CNTNAP2: variants seen among roughly 807,000 people sequenced by gnomAD.
The protein encoded by CNTNAP2 is contactin-associated protein-like 2.
CNTNAP2 carries 98 observed loss-of-function variants against 155.2 expected under a neutral mutation model. The observed-to-expected ratio is 0.63, with a 90% CI of 0.54 to 0.75. The LOEUF (loss-of-function observed/expected upper bound fraction) is 0.75. Ranked by LOEUF, CNTNAP2 falls within the 30% of genes least tolerant of loss-of-function variation. The pLI is 0.00. For missense variants in CNTNAP2, 1,727 were observed against 1,688.1 expected (o/e 1.02, Z -0.40); for synonymous variants, 651 against 631.2 (o/e 1.03, Z -0.47).
At chr7:147,318,536 G>A (rs935046035) in intron 9 of CNTNAP2, among the ~76,000 whole-genome samples, 5 of 152,000 alleles carry the variant, frequency 3.3e-5, no homozygotes, top group Non-Finnish European at 7.4e-5. Context: ...TCCTTTGCAG[G>A]GACACAGATG....
At chr7:147,239,990 G>A (rs937432097) in intron 8 of CNTNAP2, among the ~76,000 whole-genome samples, 1 of 152,124 alleles carries the variant, frequency 6.6e-6, no homozygotes. Flanking sequence ...TGAGATTTTG[G>A]TGTATCCATC....
At chr7:148,324,470 C>T (rs1002973106) in intron 21 of CNTNAP2, among the ~76,000 whole-genome samples, 2 of 152,232 alleles carry the variant, frequency 1.3e-5, no homozygotes, top group Non-Finnish European at 2.9e-5. Context: ...TGTTTGTGGC[C>T]CTTCTCCTCC....
Position 147,533,898 on chromosome 7 carries a change from G to A in CNTNAP2, c.1778-28240G>A, listed in dbSNP as rs17317335. Among the ~76,000 whole-genome samples the A allele has an allele frequency of 7.7e-3, 1,171 of 152,294 alleles. 4 individuals carry two copies. Among genetic ancestry groups the A allele is most frequent in the Middle Eastern group, 0.014 (4 of 294 alleles). ...GAACTATCAATAAGTGAAACCATTA[G>A]AACTAGTATTAAACCGTTTCATTCT... is the stretch of plus-strand genomic sequence containing the variant. On this transcript the variant is annotated intron_variant, in intron 11 of 23. Transcript: ENST00000361727.
At chr7:146,169,713 A>G (rs1373608714) in intron 1 of CNTNAP2, among the ~76,000 whole-genome samples, 2 of 151,582 alleles carry the variant, frequency 1.3e-5, no homozygotes, top group Admixed American at 6.6e-5. Context: ...GTGAAATCAC[A>G]TAGTATTTGT....
intron 8 of CNTNAP2, among the ~76,000 whole-genome samples, chr7:147,159,587 G>A (rs1049234850): frequency 1.3e-5 from 2 of 152,172 alleles, no homozygotes; most frequent in East Asian, 3.9e-4. Flanking sequence ...TTTTAAATAT[G>A]CGGAACAAGG....
At chr7:147,842,081 C>T (rs1798743484) in intron 13 of CNTNAP2, among the ~76,000 whole-genome samples, 1 of 152,120 alleles carries the variant, frequency 6.6e-6, no homozygotes, top group Non-Finnish European at 1.5e-5. Context: ...ACATGTGTTA[C>T]ACAGGTGCTT....
At chr7:146,394,531 A>T (rs988669406) in intron 1 of CNTNAP2, among the ~76,000 whole-genome samples, 1 of 152,062 alleles carries the variant, frequency 6.6e-6, no homozygotes, top group Non-Finnish European at 1.5e-5. Context: ...CAGATTCGTT[A>T]TGACCTTGGC....
At chr7:148,054,207 C>A (rs1242027187) in intron 15 of CNTNAP2, among the ~76,000 whole-genome samples, 4 of 152,056 alleles carry the variant, frequency 2.6e-5, no homozygotes, top group Non-Finnish European at 5.9e-5. Context: ...CTCCTGACCT[C>A]GTGATCCACC....
intron 1 of CNTNAP2, among the ~76,000 whole-genome samples, chr7:146,395,872 T>G (rs1795619480): frequency 6.6e-6 from 1 of 151,660 alleles, no homozygotes; most frequent in Non-Finnish European, 1.5e-5. Flanking sequence ...TGGACAGGTA[T>G]GTAGTTTCAC....
intron 1 of CNTNAP2, among the ~76,000 whole-genome samples, chr7:146,416,296 A>G (rs1373093352): frequency 6.6e-6 from 1 of 150,702 alleles, no homozygotes; most frequent in African/African-American, 2.4e-5. Context: ...ACCTATATAT[A>G]TAATATAAAA....
At chr7:147,290,630 C>G (rs1805283927) in intron 8 of CNTNAP2, among the ~76,000 whole-genome samples, 1 of 140,484 alleles carries the variant, frequency 7.1e-6, no homozygotes, top group South Asian at 2.4e-4. Flanking sequence ...TTGCAGTGGG[C>G]TGAGATTGCA....
chr7:148,048,170 C>T (rs909039054), intron 15 of CNTNAP2, among the ~76,000 whole-genome samples: 3 of 151,810 alleles, frequency 2.0e-5, no homozygotes, highest in Admixed American at 1.3e-4. Flanking sequence ...GTGATCCGCC[C>T]GCCTCGGCCT....
intron 2 of CNTNAP2, among the ~76,000 whole-genome samples, chr7:146,838,151 T>C (rs1803653367): frequency 6.6e-6 from 1 of 152,182 alleles, no homozygotes; most frequent in Non-Finnish European, 1.5e-5. Context: ...ACTACTGCAC[T>C]GCTGAACTCT....
At chr7:148,034,762 C>T (rs963635061) in intron 15 of CNTNAP2, among the ~76,000 whole-genome samples, 1 of 152,088 alleles carries the variant, frequency 6.6e-6, no homozygotes, top group East Asian at 1.9e-4. Context: ...TTGCTATGAA[C>T]AGAACATTTA....
At chr7:146,576,046 C>A (rs1172281768) in intron 1 of CNTNAP2, among the ~76,000 whole-genome samples, 1 of 152,112 alleles carries the variant, frequency 6.6e-6, no homozygotes. Flanking sequence ...TGAAAGCAAC[C>A]AACATCTGTT....
At chr7:147,268,858 C>T (rs551646370) in intron 8 of CNTNAP2, among the ~76,000 whole-genome samples, 1 of 152,262 alleles carries the variant, frequency 6.6e-6, no homozygotes, top group East Asian at 1.9e-4. Flanking sequence ...AGCATGGATG[C>T]ATCCAGGTTT....
intron 12 of CNTNAP2, among the ~76,000 whole-genome samples, chr7:147,592,607 C>A (rs1245639071): frequency 6.6e-6 from 1 of 151,876 alleles, no homozygotes; most frequent in Non-Finnish European, 1.5e-5. Context: ...AATTTACTAC[C>A]CTTTTCTCAA....
chr7:147,520,359 A>G (rs1562977850), intron 11 of CNTNAP2, among the ~76,000 whole-genome samples: 1 of 152,216 alleles, frequency 6.6e-6, no homozygotes, highest in South Asian at 2.1e-4. Flanking sequence ...GTAGAGCAAG[A>G]GGTGGTTCCT....
At chr7:146,646,367 T>A (rs886414426) in intron 1 of CNTNAP2, among the ~76,000 whole-genome samples, 2 of 152,150 alleles carry the variant, frequency 1.3e-5, no homozygotes, top group African/African-American at 4.8e-5. Flanking sequence ...TGTATATAAA[T>A]TAGAACAAGC....
Sources: allele counts gnomAD v4.1 joint callset (sites outside exome capture counted in the v4.1 genomes callset), GRCh38; gene constraint gnomAD v4.1.1; transcripts MANE v1.5; gene names NCBI Gene and HGNC (gene_info 2026-07-23, HGNC 2026-07-21).